The following SUSD1 variants were observed in gnomAD, a reference collection of about 807,000 sequenced individuals.
The protein encoded by SUSD1 is sushi domain containing 1.
A neutral mutation model predicts 86.9 loss-of-function variants in SUSD1; 65 were observed. The ratio of observed to expected loss-of-function variants is 0.75; its 90% CI spans 0.61 to 0.92. SUSD1 has a LOEUF of 0.92. Ranked by LOEUF, SUSD1 falls within the 40% of genes least tolerant of loss-of-function variation. SUSD1 has a pLI of 0.00. For missense variants in SUSD1, 850 were observed against 929.7 expected, an observed-to-expected ratio of 0.91 and a Z score of 1.11; for synonymous variants, 346 against 350.0, an observed-to-expected ratio of 0.99 and a Z score of 0.13.
chr9:112,109,742 G>A (rs1265784966), intron 8 of SUSD1, among the ~76,000 whole-genome samples: 3 of 152,202 alleles, frequency 2.0e-5, no homozygotes, highest in Admixed American at 6.5e-5. Flanking sequence ...GCAGGTGAGT[G>A]ATGATCTTTT....
intron 3 of SUSD1, 148 bp downstream of exon 3, chr9:112,149,096 C>T: frequency 1.7e-6 from 2 of 1,157,396 alleles, no homozygotes; most frequent in Non-Finnish European, 2.5e-6. Flanking sequence ...GCATGCATCT[C>T]CCAAAATAAG....
chr9:112,100,360 G>C (rs1830580420), intron 9 of SUSD1, among the ~76,000 whole-genome samples: 1 of 151,724 alleles, frequency 6.6e-6, no homozygotes, highest in Non-Finnish European at 1.5e-5. Flanking sequence ...CTAATTTTTT[G>C]TATTTTTAGT....
intron 10 of SUSD1, among the ~76,000 whole-genome samples, chr9:112,093,599 C>T (rs945212368): frequency 1.3e-5 from 2 of 152,194 alleles, no homozygotes; most frequent in African/African-American, 2.4e-5. Flanking sequence ...GAGAGAGTTC[C>T]TGGAAACTTG....
At chr9:112,088,622 A>G (rs996857365) in intron 10 of SUSD1, among the ~76,000 whole-genome samples, 1 of 152,154 alleles carries the variant, frequency 6.6e-6, no homozygotes, top group African/African-American at 2.4e-5. Flanking sequence ...ACCTGTCTCC[A>G]CTAAAATAGA....
intron 12 of SUSD1, among the ~76,000 whole-genome samples, chr9:112,064,691 C>T (rs572711462): frequency 6.6e-6 from 1 of 152,224 alleles, no homozygotes; most frequent in Admixed American, 6.5e-5. Context: ...GCCTGGCCAA[C>T]ATGGTGAGAC....
At chr9:112,156,664 G>A (rs700104) in intron 2 of SUSD1, among the ~76,000 whole-genome samples, 10,730 of 152,068 alleles carry the variant, frequency 0.071, 403 homozygotes, top group East Asian at 0.12. Context: ...TCCCACCTCA[G>A]CCTCCAGAAT....
At chr9:112,073,551 A>G (rs1564269421) in intron 12 of SUSD1, among the ~76,000 whole-genome samples, 1 of 125,134 alleles carries the variant, frequency 8.0e-6, no homozygotes, top group South Asian at 2.4e-4. Flanking sequence ...TTCTCTCTCT[A>G]TATAAGAAAA....
chr9:112,086,349 T>C (rs1025138381), intron 10 of SUSD1, among the ~76,000 whole-genome samples: 11 of 147,290 alleles, frequency 7.5e-5, no homozygotes, highest in Admixed American at 2.7e-4. Context: ...AAAATAAATA[T>C]GAAATTCCAG....
At chr9:112,097,395 CTTTTTTTTTT>C (rs764568520) in intron 10 of SUSD1, among the ~76,000 whole-genome samples, 1 of 103,242 alleles carries the variant, frequency 9.7e-6, no homozygotes, top group South Asian at 3.9e-4. Context: ...ATTTCAGAGT[CTTTTTTTTTT>C]TTTTTTTTTT....
chr9:112,092,800 T>C (rs1440715097), intron 10 of SUSD1, among the ~76,000 whole-genome samples: 3 of 152,140 alleles, frequency 2.0e-5, no homozygotes, highest in African/African-American at 7.2e-5. Flanking sequence ...TATAGCAATC[T>C]AAAACTTTTA....
chr9:112,157,727 C>T (rs1589742762), intron 1 of SUSD1, 114 bp from the exon 2 acceptor site: 1 of 651,396 alleles, frequency 1.5e-6, no homozygotes, highest in East Asian at 2.8e-5. Flanking sequence ...ACACAGGACA[C>T]ACCTAGTCTC....
chr9:112,157,284 A>C (rs769196826), intron 2 of SUSD1, among the ~76,000 whole-genome samples: 24 of 152,250 alleles, frequency 1.6e-4, no homozygotes, highest in African/African-American at 1.9e-4. Context: ...TTCAAGTTCA[A>C]TGACCTCTAA....
At chr9:112,156,652 C>A (rs891267169) in intron 2 of SUSD1, among the ~76,000 whole-genome samples, 1 of 152,034 alleles carries the variant, frequency 6.6e-6, no homozygotes, top group Non-Finnish European at 1.5e-5. Context: ...CTCAAGTGAT[C>A]CTCCCACCTC....
In SUSD1 at chr9:112,175,201, C is replaced by A. The variant is rs1437164972; in HGVS notation, c.35G>T (p.Arg12Leu). Reference protein sequence around the residue: ...GRGPWDAGPSRRLLPLLLLLG... With the variant: ...GRGPWDAGPSLRLLPLLLLLG... ...CAGCAGCAACAGCGGCAGCAGGCGGCGAGACGGGCCCGCATCCCAGGGCCC... is the reference window on the plus strand; with the variant it reads ...CAGCAGCAACAGCGGCAGCAGGCGGAGAGACGGGCCCGCATCCCAGGGCCC... The change falls in exon 1 of 17, where the codon CGC (arginine) becomes CTC (leucine). Residue 12 changes from arginine (R) to leucine (L), a missense_variant. By Grantham distance (102) the Arg-to-Leu change is moderately radical. Coordinates refer to ENST00000374270, the MANE Select transcript of SUSD1 (RefSeq NM_022486.5). The surrounding 1 kb of genome is among the most constrained non-coding windows in gnomAD (Gnocchi z 4.7). 1.7e-6 allele frequency: 2 copies of A among 1,158,610 alleles called. No homozygotes were observed. Among genetic ancestry groups the A allele is most frequent in the East Asian group, 8.2e-5 (2 of 24,350 alleles). 71.8% of individuals were successfully genotyped at this position (1,158,610 alleles called of 1,614,324 possible). A position where few individuals can be genotyped will look rare whatever the true frequency, so the allele number is the denominator to read the frequency against.
At chr9:112,140,919 A>G (rs1832535708) in intron 5 of SUSD1, among the ~76,000 whole-genome samples, 1 of 152,364 alleles carries the variant, frequency 6.6e-6, no homozygotes, top group Non-Finnish European at 1.5e-5. Context: ...TACTGTAGGC[A>G]ACTATAACAC....
intron 1 of SUSD1, among the ~76,000 whole-genome samples, chr9:112,166,912 C>T (rs1490098137): frequency 6.6e-6 from 1 of 152,160 alleles, no homozygotes; most frequent in Non-Finnish European, 1.5e-5. Context: ...GACAAGTGCT[C>T]TTTGTTACTA....
intron 1 of SUSD1, among the ~76,000 whole-genome samples, chr9:112,158,432 C>T (rs1018738502): frequency 2.6e-5 from 4 of 151,982 alleles, no homozygotes; most frequent in Middle Eastern, 3.2e-3. Context: ...ACTCTGTTGC[C>T]CAGGTTGAAG....
chr9:112,085,240 C>G (rs1439866629), intron 10 of SUSD1, among the ~76,000 whole-genome samples: 1 of 152,220 alleles, frequency 6.6e-6, no homozygotes, highest in Non-Finnish European at 1.5e-5. Context: ...CCATAACATG[C>G]ATTTCACCTA....
At chr9:112,046,395 T>C (rs1274086483) in intron 15 of SUSD1, among the ~76,000 whole-genome samples, 1 of 152,234 alleles carries the variant, frequency 6.6e-6, no homozygotes, top group African/African-American at 2.4e-5. Flanking sequence ...TCATGTGTTA[T>C]ATCCCACATC....
Sources: gnomAD v4.1 joint callset for allele counts (sites outside exome capture counted in the v4.1 genomes callset) on GRCh38, gnomAD v4.1.1 for gene constraint, Gnocchi (gnomAD v3.1) non-coding constraint, MANE v1.5 for transcripts, NCBI Gene and HGNC (gene_info 2026-07-23, HGNC 2026-07-21) for gene names.